NDST1: variants seen among roughly 807,000 people sequenced by gnomAD.
NDST1 encodes the protein bifunctional heparan sulfate N-deacetylase/N-sulfotransferase 1.
NDST1 carries 35 observed loss-of-function variants against 92.8 expected under a neutral mutation model. The ratio of observed to expected loss-of-function variants is 0.38; its 90% CI spans 0.29 to 0.50. The LOEUF is 0.50. Among genes scored for constraint, NDST1 ranks in the 20% least tolerant of loss-of-function variants. The pLI, the probability that NDST1 is intolerant of heterozygous loss-of-function variation, is 0.94. For missense variants in NDST1, 822 were observed against 1,182.7 expected (o/e 0.69, Z 4.47); for synonymous variants, 493 against 500.3 (o/e 0.99, Z 0.19).
intron 1 of NDST1, among the ~76,000 whole-genome samples, chr5:150,516,875 A>G (rs1367349770): frequency 1.6e-4 from 25 of 152,040 alleles, no homozygotes. Flanking sequence ...CATGTTGGTC[A>G]GGCCGGTCTT....
At chr5:150,536,050 A>G (rs1390298381) in intron 6 of NDST1, among the ~76,000 whole-genome samples, 165 bp downstream of exon 6, 1 of 152,208 alleles carries the variant, frequency 6.6e-6, no homozygotes, top group Non-Finnish European at 1.5e-5. Context: ...GCCCCAGGGA[A>G]GGTGGGCTGC....
At chr5:150,517,829 C>T (rs1754050117) in intron 1 of NDST1, among the ~76,000 whole-genome samples, 1 of 152,220 alleles carries the variant, frequency 6.6e-6, no homozygotes, top group Non-Finnish European at 1.5e-5. Flanking sequence ...CTCAAGCCTG[C>T]GAGGAGTGGC....
intron 6 of NDST1, among the ~76,000 whole-genome samples, chr5:150,536,249 G>T (rs1391261375): frequency 6.6e-6 from 1 of 152,142 alleles, no homozygotes; most frequent in Admixed American, 6.5e-5. Flanking sequence ...ACTTTGGGAG[G>T]CCAAGGCAGG....
chr5:150,528,291 A>G lies in NDST1; in HGVS notation c.1001A>G (p.Asp334Gly). The change falls in exon 3 of 15, where the codon GAC (aspartate) becomes GGC (glycine). Residue 334 changes from aspartate (D) to glycine (G), a missense_variant. Asp to Gly is a moderately conservative substitution (Grantham distance 94, BLOSUM62 -1). Transcript: ENST00000261797. ...GAGGGCACACGCATGAAGGTGGAGG[A>G]CGTGAAGGTATGGCCGGGGGTGCTA... The part of the protein sequence containing the change: ...GKEGTRMKVE[D>G]VKALFDTQNE... 1 of 1,594,868 alleles carries G rather than the reference A, an allele frequency of 6.3e-7. No individual in the cohort carries two copies.
chr5:150,521,601 C>T lies in NDST1; in HGVS notation c.347C>T (p.Ala116Val), dbSNP rs142187384. The T allele has an allele frequency of 1.8e-5, 29 of 1,613,940 alleles. No homozygotes were observed. The highest frequency in any genetic ancestry group is 3.3e-5 in the South Asian group (3 of 91,088). The change falls in exon 2 of 15, where the codon GCG becomes GTG. Residue 116 changes from alanine to valine, a missense_variant. Ala to Val is a moderately conservative substitution (Grantham distance 64). Coordinates refer to ENST00000261797, the MANE Select transcript of NDST1 (RefSeq NM_001543.5). This position sits in a 1 kb window ranked among gnomAD's most constrained non-coding sequence, Gnocchi z 5.9. Reference protein sequence around the residue: ...SSRFKYRTEIAPGKGDMPTLT... With the variant: ...SSRFKYRTEIVPGKGDMPTLT... ...CGCTTCAAATACCGCACAGAGATTG[C>T]GCCGGGCAAGGGTGACATGCCCACG...
At chr5:150,512,261 G>A (rs1753762520) in intron 1 of NDST1, among the ~76,000 whole-genome samples, 1 of 152,164 alleles carries the variant, frequency 6.6e-6, no homozygotes, top group African/African-American at 2.4e-5. Context: ...GGGGGGGCAG[G>A]GAGCAGTGTG....
chr5:150,529,168 G>C (rs1754604497), intron 3 of NDST1, among the ~76,000 whole-genome samples: 1 of 152,060 alleles, frequency 6.6e-6, no homozygotes, highest in Non-Finnish European at 1.5e-5. Context: ...AAGGGAGGAG[G>C]ATTGCTTGAG....
At position 150,540,184 on chromosome 5, in the gene NDST1, C is replaced by T. The variant is rs548986879; in HGVS notation, c.1669C>T (p.Arg557Trp). Residue 557 changes from arginine (R) to tryptophan (W), a missense_variant, in exon 8 of 15, where the codon CGG becomes TGG. Coordinates refer to ENST00000261797, the MANE Select transcript of NDST1 (RefSeq NM_001543.5). The part of the protein sequence containing the change: ...VRFLHSWTNL[R>W]LQTLPPVQLA... Reference sequence around the variant, plus strand: ...CTTCCTGCACTCCTGGACGAACCTCCGGCTGCAGACACTGCCCCCTGTGCA... The same window carrying T: ...CTTCCTGCACTCCTGGACGAACCTCTGGCTGCAGACACTGCCCCCTGTGCA... 1.1e-5 allele frequency: 18 copies of T among 1,614,098 alleles called. No homozygotes were observed. The highest frequency in any genetic ancestry group is 5.0e-5 in the Admixed American group (3 of 60,010).
chr5:150,498,486 G>C (rs570263496), intron 1 of NDST1, among the ~76,000 whole-genome samples: 13 of 152,174 alleles, frequency 8.5e-5, no homozygotes, highest in Admixed American at 2.0e-4. Flanking sequence ...TCTGTGCTGG[G>C]CTTTCTAGGA....
At chr5:150,514,582 A>AAT (rs200687327) in intron 1 of NDST1, among the ~76,000 whole-genome samples, 4 of 149,724 alleles carry the variant, frequency 2.7e-5, no homozygotes, top group Admixed American at 6.8e-5. Context: ...AAAAAAAAAA[A>AAT]GTGCTTAGCA....
chr5:150,539,841 A>G, intron 7 of NDST1: 1 of 938,696 alleles, frequency 1.1e-6, no homozygotes, highest in Non-Finnish European at 1.3e-6. Context: ...TAAAACCCAA[A>G]TAGCTCCCAC....
chr5:150,521,207 T>C lies in NDST1; in HGVS notation c.-48T>C. The C allele has an allele frequency of 1.3e-6, 2 of 1,539,334 alleles. No homozygotes were observed. Among genetic ancestry groups the C allele is most frequent in the South Asian group, 2.3e-5 (2 of 85,922 alleles). On this transcript the variant is annotated 5_prime_UTR_variant, in exon 2 of 15. Coordinates refer to ENST00000261797, the MANE Select transcript of NDST1 (RefSeq NM_001543.5). This position sits in a 1 kb window ranked among gnomAD's most constrained non-coding sequence, Gnocchi z 5.9. Reference sequence around the variant, plus strand: ...TCTCCTCCTGTGTGGGGCCTTGGGGTAGCCAGGGCAGGCCGGGCCTCCGGT... The same window carrying C: ...TCTCCTCCTGTGTGGGGCCTTGGGGCAGCCAGGGCAGGCCGGGCCTCCGGT...
chr5:150,530,853 C>G (rs932099664), intron 3 of NDST1, among the ~76,000 whole-genome samples: 5 of 152,158 alleles, frequency 3.3e-5, no homozygotes, highest in African/African-American at 1.2e-4. Flanking sequence ...AGCCACCGCA[C>G]CTGGCCCTAT....
rs569510930 is a variant in NDST1, at chr5:150,511,044, C to G, written c.-388+2818C>G. 1.8e-3 allele frequency among the ~76,000 whole-genome samples: 281 copies of G among 152,302 alleles called. 4 individuals are homozygous for G. Among genetic ancestry groups the G allele is most frequent in the Non-Finnish European group, 3.2e-3 (216 of 68,026 alleles). On this transcript the variant is annotated intron_variant, in intron 1 of 14. Coordinates refer to ENST00000261797, the MANE Select transcript of NDST1 (RefSeq NM_001543.5). ...CTGTGTGCTGAAGTTCCCATTCACC[C>G]CCTTATTAGCTCTGTGGGCTGCAGC...
intron 3 of NDST1, among the ~76,000 whole-genome samples, chr5:150,531,718 T>C (rs755971905): frequency 6.6e-6 from 1 of 152,086 alleles, no homozygotes; most frequent in Non-Finnish European, 1.5e-5. Context: ...AGGCTGGTTT[T>C]GAACTCCTGA....
At chr5:150,499,538 G>A (rs527847794) in intron 1 of NDST1, among the ~76,000 whole-genome samples, 1 of 152,356 alleles carries the variant, frequency 6.6e-6, no homozygotes, top group South Asian at 2.1e-4. Context: ...AAGCATTGGA[G>A]CATCATGCTT....
chr5:150,522,028 A>C (rs1453531674), intron 2 of NDST1, among the ~76,000 whole-genome samples: 4 of 152,158 alleles, frequency 2.6e-5, no homozygotes, highest in African/African-American at 4.8e-5. Flanking sequence ...TGCCTAAAGG[A>C]GGCCACAGAG....
Position 150,527,730 on chromosome 5 carries a change from A to G in NDST1, c.514-74A>G, listed in dbSNP as rs1754538035. ...TATTGATACCACTGTTATGGTCCACATGTGAGAGACTGTGTCCTTTGGGGT... is the reference window on the plus strand; with the variant it reads ...TATTGATACCACTGTTATGGTCCACGTGTGAGAGACTGTGTCCTTTGGGGT... On this transcript the variant is annotated intron_variant, in intron 2 of 14. Coordinates refer to ENST00000261797, the MANE Select transcript of NDST1 (RefSeq NM_001543.5). The G allele has an allele frequency of 6.9e-6, 11 of 1,598,286 alleles. No individual in the cohort carries two copies. The South Asian group carries it at 1.1e-4, about 16-fold the overall frequency.
At chr5:150,533,810 C>A (rs1754856754) in intron 4 of NDST1, among the ~76,000 whole-genome samples, 1 of 151,932 alleles carries the variant, frequency 6.6e-6, no homozygotes, top group South Asian at 2.1e-4. Context: ...TGGCTGGGCG[C>A]TGTGGCTCAC....
Sources: allele counts gnomAD v4.1 joint callset (sites outside exome capture counted in the v4.1 genomes callset), GRCh38; gene constraint gnomAD v4.1.1; non-coding constraint Gnocchi (gnomAD v3.1); transcripts MANE v1.5; gene names NCBI Gene and HGNC (gene_info 2026-07-23, HGNC 2026-07-21).